Variants in LINGO2 observed in about 807,000 individuals in gnomAD.
The protein encoded by LINGO2 is leucine-rich repeat and immunoglobulin-like domain-containing nogo receptor-interacting protein 2.
LINGO2 carries 14 observed loss-of-function variants against 30.6 expected under a neutral mutation model. The ratio of observed to expected loss-of-function variants is 0.46; its 90% confidence interval spans 0.30 to 0.72. LINGO2 has a LOEUF of 0.72. Ranked by LOEUF, LINGO2 falls within the 30% of genes least tolerant of loss-of-function variation. The probability of loss-of-function intolerance (pLI) is 0.07; values close to 1 mark genes in which losing one functional copy is unlikely to be tolerated. For missense variants in LINGO2, 729 were observed against 751.7 expected (o/e 0.97, Z 0.35); for synonymous variants, 317 against 288.5 (o/e 1.10, Z -1.00).
intron 4 of LINGO2, among the ~76,000 whole-genome samples, chr9:28,042,604 G>C (rs980256979): frequency 6.6e-6 from 1 of 152,026 alleles, no homozygotes; most frequent in African/African-American, 2.4e-5. Flanking sequence ...AATTCAAGAG[G>C]ATATTTTTCC....
At chr9:28,008,337 AGAT>A (rs1187755868) in intron 5 of LINGO2, among the ~76,000 whole-genome samples, 20 of 152,276 alleles carry the variant, frequency 1.3e-4, no homozygotes, top group African/African-American at 4.6e-4. Flanking sequence ...CATATAATAT[AGAT>A]GATATCTATA....
intron 3 of LINGO2, among the ~76,000 whole-genome samples, chr9:28,361,491 T>C (rs1820441698): frequency 6.6e-6 from 1 of 152,154 alleles, no homozygotes; most frequent in African/African-American, 2.4e-5. Flanking sequence ...TTTTTCATCT[T>C]ATTCTATCCT....
the LINGO2 span, among the ~76,000 whole-genome samples, chr9:28,705,688 G>A: frequency 6.6e-6 from 1 of 152,106 alleles, no homozygotes; most frequent in African/African-American, 2.4e-5. Flanking sequence ...ACTCACAAAA[G>A]TGTGAGGGCC....
the LINGO2 span, among the ~76,000 whole-genome samples, chr9:28,753,808 G>A: frequency 6.6e-6 from 1 of 151,926 alleles, no homozygotes; most frequent in Non-Finnish European, 1.5e-5. Flanking sequence ...AGAGCCAAGT[G>A]AGGAAAAGAA....
the LINGO2 span, among the ~76,000 whole-genome samples, chr9:28,844,985 G>C: frequency 6.6e-6 from 1 of 151,810 alleles, no homozygotes; most frequent in Non-Finnish European, 1.5e-5. Flanking sequence ...ATGCTAAGTA[G>C]GTACTTATGA....
At chr9:28,273,680 C>T (rs10733430) in intron 4 of LINGO2, among the ~76,000 whole-genome samples, 149,448 of 152,278 alleles carry the variant, frequency 0.98, 73,395 homozygotes, top group Middle Eastern at 1. Context: ...GGGATTGTTA[C>T]GACTTTGGGC....
chr9:28,832,750 T>G, the LINGO2 span, among the ~76,000 whole-genome samples: 1 of 152,204 alleles, frequency 6.6e-6, no homozygotes, highest in Non-Finnish European at 1.5e-5. Flanking sequence ...CTTTCAAACA[T>G]TTCTCTACAT....
intron 2 of LINGO2, among the ~76,000 whole-genome samples, chr9:28,437,576 CAG>C (rs1305773024): frequency 7.0e-6 from 1 of 143,798 alleles, no homozygotes; most frequent in Non-Finnish European, 1.5e-5. Flanking sequence ...CACACACACA[CAG>C]ACGCGCACAC....
chr9:28,764,106 T>C, the LINGO2 span, among the ~76,000 whole-genome samples: 1 of 150,928 alleles, frequency 6.6e-6, no homozygotes, highest in Non-Finnish European at 1.5e-5. Context: ...CGGAAGAAGA[T>C]TTAATACCAA....
At chr9:28,126,304 C>A (rs1039649954) in intron 4 of LINGO2, among the ~76,000 whole-genome samples, 29 of 152,026 alleles carry the variant, frequency 1.9e-4, no homozygotes, top group African/African-American at 7.0e-4. Flanking sequence ...ATCATTCCAG[C>A]TGCAAGGGTA....
intron 4 of LINGO2, among the ~76,000 whole-genome samples, chr9:28,247,514 CTG>C (rs1213283946): frequency 6.6e-6 from 1 of 152,160 alleles, no homozygotes; most frequent in Non-Finnish European, 1.5e-5. Context: ...AAACCAAACA[CTG>C]TATGTTCTCA....
the LINGO2 span, among the ~76,000 whole-genome samples, chr9:29,076,708 A>T: frequency 2.0e-5 from 3 of 151,262 alleles, no homozygotes; most frequent in Non-Finnish European, 4.4e-5. Context: ...GGACAGGGTT[A>T]GGATTCTAAT....
At chr9:28,898,774 G>A in the LINGO2 span, among the ~76,000 whole-genome samples, 2 of 152,160 alleles carry the variant, frequency 1.3e-5, no homozygotes, top group Non-Finnish European at 2.9e-5. Context: ...CTACCAGAGA[G>A]TGGAGGATGA....
intron 4 of LINGO2, among the ~76,000 whole-genome samples, chr9:28,166,659 A>G (rs1033866025): frequency 4.6e-5 from 7 of 152,162 alleles, no homozygotes; most frequent in Admixed American, 3.9e-4. Context: ...AACTTGTACA[A>G]ATGTCTATAA....
the LINGO2 span, among the ~76,000 whole-genome samples, chr9:29,014,960 G>A: frequency 2.0e-5 from 3 of 151,996 alleles, no homozygotes; most frequent in African/African-American, 7.3e-5. Context: ...ATCTTCCATT[G>A]GCTCTTCTGT....
chr9:28,856,455 T>C, the LINGO2 span, among the ~76,000 whole-genome samples: 1 of 151,982 alleles, frequency 6.6e-6, no homozygotes, highest in African/African-American at 2.4e-5. Flanking sequence ...TTTTATGAGA[T>C]GAAATCAGAG....
At chr9:28,728,401 T>C in the LINGO2 span, among the ~76,000 whole-genome samples, 2 of 144,924 alleles carry the variant, frequency 1.4e-5, no homozygotes, top group African/African-American at 5.1e-5. Context: ...AATGAGAAAA[T>C]TGCAAATGAA....
At chr9:28,539,947 ATACTT>A (rs1340919722) in intron 1 of LINGO2, among the ~76,000 whole-genome samples, 2 of 152,156 alleles carry the variant, frequency 1.3e-5, no homozygotes, top group East Asian at 3.9e-4. Context: ...CTAGCTGAAT[ATACTT>A]CAACAGGATG....
At chr9:29,161,832 T>A in the LINGO2 span, among the ~76,000 whole-genome samples, 1 of 152,120 alleles carries the variant, frequency 6.6e-6, no homozygotes. Flanking sequence ...CTTGAATATA[T>A]ACCATATTAG....
Sources: gnomAD v4.1 joint callset for allele counts (sites outside exome capture counted in the v4.1 genomes callset) on GRCh38, gnomAD v4.1.1 for gene constraint, MANE v1.5 for transcripts, NCBI Gene and HGNC (gene_info 2026-07-23, HGNC 2026-07-21) for gene names.